The following POU6F2 variants were observed in gnomAD, a reference collection of about 807,000 sequenced individuals.
POU6F2 encodes POU class 6 homeobox 2.
POU6F2 carries 31 observed loss-of-function variants against 71.3 expected under a neutral mutation model. That is an observed-to-expected ratio of 0.43 (90% confidence interval 0.33 to 0.59). POU6F2 has a LOEUF of 0.59. Among genes scored for constraint, POU6F2 ranks in the 20% least tolerant of loss-of-function variants. The pLI is 0.04. For synonymous variants in POU6F2, 347 were observed against 355.7 expected, an observed-to-expected ratio of 0.98 and a Z score of 0.27; for missense variants, 783 against 856.8, an observed-to-expected ratio of 0.91 and a Z score of 1.07.
intron 4 of POU6F2, among the ~76,000 whole-genome samples, chr7:39,243,221 G>T (rs943293254): frequency 1.3e-5 from 2 of 152,130 alleles, no homozygotes; most frequent in African/African-American, 2.4e-5. Context: ...TGGATCAAGA[G>T]TGGTGGCCCC....
chr7:39,342,160 ATT>A (rs1219093061), intron 5 of POU6F2, among the ~76,000 whole-genome samples: 2 of 149,364 alleles, frequency 1.3e-5, no homozygotes, highest in Non-Finnish European at 3.0e-5. Flanking sequence ...CTTGCTACAA[ATT>A]TTTTTTAAAA....
At chr7:39,357,363 C>T (rs113620033) in intron 5 of POU6F2, among the ~76,000 whole-genome samples, 1 of 152,274 alleles carries the variant, frequency 6.6e-6, no homozygotes, top group South Asian at 2.1e-4. Flanking sequence ...TGTTTTTCTA[C>T]GAATGCCATG....
At chr7:39,213,121 A>T (rs954949814) in intron 4 of POU6F2, among the ~76,000 whole-genome samples, 1 of 152,228 alleles carries the variant, frequency 6.6e-6, no homozygotes, top group African/African-American at 2.4e-5. Context: ...TCAAAGTGTG[A>T]ACATTCCAGT....
chr7:39,130,946 C>CG (rs1435811286), intron 2 of POU6F2, among the ~76,000 whole-genome samples: 1 of 152,208 alleles, frequency 6.6e-6, no homozygotes, highest in African/African-American at 2.4e-5. Context: ...CTGCGTCTCA[C>CG]GGATGCAGGT....
At chr7:39,449,373 A>C (rs944176533) in intron 7 of POU6F2, among the ~76,000 whole-genome samples, 4 of 152,238 alleles carry the variant, frequency 2.6e-5, no homozygotes, top group African/African-American at 9.7e-5. Flanking sequence ...AGTAGCCCCT[A>C]ACTAACAGTT....
intron 1 of POU6F2, among the ~76,000 whole-genome samples, chr7:39,058,099 A>G (rs1276582681): frequency 6.6e-6 from 1 of 152,172 alleles, no homozygotes; most frequent in Non-Finnish European, 1.5e-5. Context: ...CTTTCTCACC[A>G]TTCCATAAAG....
At chr7:39,326,429 A>G (rs981259167) in intron 4 of POU6F2, among the ~76,000 whole-genome samples, 2 of 152,260 alleles carry the variant, frequency 1.3e-5, no homozygotes, top group Non-Finnish European at 2.9e-5. Flanking sequence ...TGATGGATAA[A>G]TTTGGTCCCA....
intron 5 of POU6F2, among the ~76,000 whole-genome samples, chr7:39,384,398 C>T (rs1332182930): frequency 6.6e-6 from 1 of 152,150 alleles, no homozygotes; most frequent in Non-Finnish European, 1.5e-5. Flanking sequence ...AAAGCACGCT[C>T]TTATCAATGA....
chr7:39,050,117 C>A (rs1451243727), intron 1 of POU6F2, among the ~76,000 whole-genome samples: 1 of 151,892 alleles, frequency 6.6e-6, no homozygotes, highest in African/African-American at 2.4e-5. Flanking sequence ...CTTGTTTGGA[C>A]TAAATTTTTG....
chr7:39,367,778 C>T (rs1406002766), intron 5 of POU6F2, among the ~76,000 whole-genome samples: 10 of 152,122 alleles, frequency 6.6e-5, no homozygotes, highest in Admixed American at 6.5e-4. Flanking sequence ...CACGTGCTCA[C>T]TTTGTGTCTC....
At chr7:39,431,868 G>GC (rs1788109701) in intron 6 of POU6F2, among the ~76,000 whole-genome samples, 1 of 152,098 alleles carries the variant, frequency 6.6e-6, no homozygotes, top group South Asian at 2.1e-4. Flanking sequence ...TGTCCTGGTG[G>GC]CCCCCAGGCC....
intron 2 of POU6F2, among the ~76,000 whole-genome samples, chr7:39,157,565 A>G (rs1792898403): frequency 6.6e-6 from 1 of 152,214 alleles, no homozygotes; most frequent in South Asian, 2.1e-4. Flanking sequence ...TCATATAAAT[A>G]TATTAAATAT....
chr7:39,288,038 G>C (rs112063930), intron 4 of POU6F2, among the ~76,000 whole-genome samples: 4 of 152,174 alleles, frequency 2.6e-5, no homozygotes, highest in African/African-American at 9.6e-5. Flanking sequence ...GGCTTGGTTC[G>C]TAGCAATTAA....
At chr7:39,422,477 C>G (rs1787872947) in intron 6 of POU6F2, among the ~76,000 whole-genome samples, 1 of 152,260 alleles carries the variant, frequency 6.6e-6, no homozygotes, top group African/African-American at 2.4e-5. Context: ...TGTCCACTCA[C>G]TTTTATTCAA....
At chr7:39,216,740 TAA>T (rs1794250776) in intron 4 of POU6F2, among the ~76,000 whole-genome samples, 1 of 152,234 alleles carries the variant, frequency 6.6e-6, no homozygotes, top group South Asian at 2.1e-4. Context: ...CTTTAAAACA[TAA>T]AAAAAGTTTA....
At chr7:39,010,429 T>A (rs1789238931) in intron 1 of POU6F2, among the ~76,000 whole-genome samples, 1 of 151,676 alleles carries the variant, frequency 6.6e-6, no homozygotes, top group African/African-American at 2.4e-5. Flanking sequence ...TCTTTATTAG[T>A]CTTGCTAGTG....
chr7:39,058,357 T>A (rs537617917), intron 1 of POU6F2, among the ~76,000 whole-genome samples: 1 of 152,194 alleles, frequency 6.6e-6, no homozygotes, highest in South Asian at 2.1e-4. Flanking sequence ...AAGGGAAAGA[T>A]TCCAAATGAT....
intron 4 of POU6F2, among the ~76,000 whole-genome samples, chr7:39,211,024 G>A (rs535466829): frequency 3.9e-5 from 6 of 152,260 alleles, no homozygotes; most frequent in Non-Finnish European, 5.9e-5. Flanking sequence ...GTTCATAGAT[G>A]TCTGTCTTTT....
intron 4 of POU6F2, among the ~76,000 whole-genome samples, chr7:39,274,307 G>A (rs1784394740): frequency 6.6e-6 from 1 of 152,098 alleles, no homozygotes; most frequent in Non-Finnish European, 1.5e-5. Context: ...TAGAAGAAAT[G>A]GATAAATTCC....
Sources: allele counts gnomAD v4.1 joint callset (sites outside exome capture counted in the v4.1 genomes callset), GRCh38; gene constraint gnomAD v4.1.1; transcripts MANE v1.5; gene names NCBI Gene and HGNC (gene_info 2026-07-23, HGNC 2026-07-21).